The following NEIL3 variants were observed in gnomAD, a reference collection of about 807,000 sequenced individuals.
NEIL3 encodes the protein nei like DNA glycosylase 3, also known as endonuclease 8-like 3.
A neutral mutation model predicts 57.5 loss-of-function variants in NEIL3; 48 were observed. The ratio of observed to expected loss-of-function variants is 0.83; its 90% CI spans 0.66 to 1.06. The LOEUF is 1.06. Among genes scored for constraint, NEIL3 ranks in the 50% least tolerant of loss-of-function variants. The pLI is 0.00. For synonymous variants in NEIL3, 261 were observed against 253.2 expected, an observed-to-expected ratio of 1.03 and a Z score of -0.29; for missense variants, 717 against 739.1, an observed-to-expected ratio of 0.97 and a Z score of 0.35.
chr4:177,315,664 C>A (rs910573079), intron 1 of NEIL3, among the ~76,000 whole-genome samples: 5 of 152,140 alleles, frequency 3.3e-5, no homozygotes, highest in Admixed American at 2.0e-4. Flanking sequence ...AAAAACCTTG[C>A]CCAGTTTGTA....
At chr4:177,311,654 A>G (rs1450696469) in intron 1 of NEIL3, among the ~76,000 whole-genome samples, 1 of 149,686 alleles carries the variant, frequency 6.7e-6, no homozygotes, top group Non-Finnish European at 1.5e-5. Context: ...AGCCTGGGCA[A>G]CAAGAGCGAA....
chr4:177,339,892 A>T, intron 5 of NEIL3, 35 bp downstream of exon 5: 2 of 1,445,994 alleles, frequency 1.4e-6, no homozygotes, highest in South Asian at 2.3e-5. Flanking sequence ...GTAAAATGTA[A>T]AATGTCAGTG....
Position 177,336,131 on chromosome 4 carries a change from G to A in NEIL3, c.437G>A (p.Arg146Lys). ...AGAAACTCAATGGAAAGCCAACAGA[G>A]AATAAGAATGATGAAAGAATTAGAT... ...ELRNSMESQQRIRMMKELDVC... is the reference protein window; with the variant it reads ...ELRNSMESQQKIRMMKELDVC... The change falls in exon 4 of 10, where the codon AGA (arginine) becomes AAA (lysine). Residue 146 changes from arginine to lysine, a missense_variant. Transcript: ENST00000264596. The A allele has an allele frequency of 6.2e-7, 1 of 1,612,482 alleles. No homozygotes were observed. Among genetic ancestry groups the A allele is most frequent in the Non-Finnish European group, 8.5e-7 (1 of 1,178,482 alleles).
intron 7 of NEIL3, among the ~76,000 whole-genome samples, chr4:177,352,409 A>G (rs901942311): frequency 9.8e-5 from 15 of 152,340 alleles, no homozygotes; most frequent in Non-Finnish European, 8.8e-5. Flanking sequence ...ATGCATTTAT[A>G]TGTCTCATTA....
At chr4:177,360,863 T>G (rs1344798866) in intron 9 of NEIL3, among the ~76,000 whole-genome samples, 186 bp downstream of exon 9, 1 of 152,198 alleles carries the variant, frequency 6.6e-6, no homozygotes, top group Non-Finnish European at 1.5e-5. Flanking sequence ...ACAAGAAATT[T>G]AATAAAATAA....
chr4:177,343,214 TG>T (rs1037315412), intron 6 of NEIL3: 1 of 152,196 alleles, frequency 6.6e-6, no homozygotes, highest in Non-Finnish European at 1.5e-5. Context: ...AGATGCAGTA[TG>T]TGTTAGATAT....
At chr4:177,361,874 C>T (rs1735613828) in intron 9 of NEIL3, among the ~76,000 whole-genome samples, 1 of 152,112 alleles carries the variant, frequency 6.6e-6, no homozygotes. Flanking sequence ...TATCCTCCCA[C>T]CTCAGCCTCC....
chr4:177,309,902 C>T lies in NEIL3; in HGVS notation c.-52C>T, dbSNP rs1014574355. The T allele has an allele frequency of 7.0e-6, 11 of 1,576,980 alleles. No homozygotes were observed. The highest frequency in any genetic ancestry group is 5.5e-5 in the African/African-American group (4 of 72,382). On this transcript the variant is annotated 5_prime_UTR_variant, in exon 1 of 10. Coordinates refer to ENST00000264596, the MANE Select transcript of NEIL3 (RefSeq NM_018248.3). ...GCCCGCGCAGCGTTGAGTTGCACAGCGGTATTCTCACCAGGCCCTGCAATC... is the reference window on the plus strand; with the variant it reads ...GCCCGCGCAGCGTTGAGTTGCACAGTGGTATTCTCACCAGGCCCTGCAATC...
At chr4:177,342,764 C>A (rs1310303142) in intron 6 of NEIL3, among the ~76,000 whole-genome samples, 1 of 152,164 alleles carries the variant, frequency 6.6e-6, no homozygotes, top group African/African-American at 2.4e-5. Flanking sequence ...TGGCCACAAA[C>A]CTTGACTCAT....
intron 9 of NEIL3, 108 bp downstream of exon 9, chr4:177,360,785 G>A: frequency 1.2e-6 from 1 of 828,942 alleles, no homozygotes; most frequent in Non-Finnish European, 1.8e-6. Context: ...CTTTAAATTT[G>A]AAATAGCCAT....
intron 1 of NEIL3, among the ~76,000 whole-genome samples, chr4:177,310,650 G>T (rs566918517): frequency 1.0e-3 from 157 of 152,298 alleles, no homozygotes; most frequent in South Asian, 7.7e-3. Flanking sequence ...ATGAAACCCA[G>T]TTCTGGTTCC....
intron 2 of NEIL3, among the ~76,000 whole-genome samples, chr4:177,335,073 G>T (rs1734949194): frequency 6.6e-6 from 1 of 151,896 alleles, no homozygotes; most frequent in Non-Finnish European, 1.5e-5. Flanking sequence ...GAGGACAATA[G>T]CATTTTGACT....
downstream of NEIL3, among the ~76,000 whole-genome samples, chr4:177,364,041 C>T (rs949760514): frequency 1.9e-4 from 29 of 152,260 alleles, no homozygotes; most frequent in Middle Eastern, 3.4e-3. Context: ...CCACCATGCC[C>T]GGCCTGAAGA....
In NEIL3 at chr4:177,353,363, C is replaced by T. The variant is rs1360138318; in HGVS notation, c.1095C>T (p.Tyr365=). ...CTGTCTTTAGCCACTTAATGAAGTA[C>T]CCGTGTAATACTTTTGGAAAACCTC... is the stretch of plus-strand genomic sequence containing the variant. ...NSTVFSHLMK[Y]PCNTFGKPHT... is the part of the protein sequence containing the mutation. Residue 365 remains tyrosine, a synonymous_variant, in exon 8 of 10, where the codon TAC becomes TAT. Transcript: ENST00000264596. The T allele has an allele frequency of 6.2e-7, 1 of 1,613,600 alleles. No individual in the cohort carries two copies. Among genetic ancestry groups the T allele is most frequent in the African/African-American group, 1.3e-5 (1 of 74,878 alleles).
chr4:177,353,349 C>G lies in NEIL3; in HGVS notation c.1081C>G (p.His361Asp). 6.2e-7 allele frequency: 1 copy of G among 1,613,674 alleles called. No homozygotes were observed. The highest frequency in any genetic ancestry group is 8.5e-7 in the Non-Finnish European group (1 of 1,179,866). ...KSEENSTVFS[H>D]LMKYPCNTFG... The stretch of plus-strand genomic sequence containing the variant: ...TGAAGAAAATTCTACTGTCTTTAGC[C>G]ACTTAATGAAGTACCCGTGTAATAC... The change falls in exon 8 of 10, where the codon CAC becomes GAC. Residue 361 changes from histidine (H) to aspartate (D), a missense_variant. His to Asp is a moderately conservative substitution (Grantham distance 81). Transcript: ENST00000264596.
intron 9 of NEIL3, 27 bp downstream of exon 9, chr4:177,360,704 T>TA (rs756505231): frequency 2.0e-6 from 3 of 1,518,734 alleles, no homozygotes; most frequent in Non-Finnish European, 2.7e-6. Flanking sequence ...TCTAGCTTAC[T>TA]AAAATGTAAT....
At chr4:177,341,159 A>C (rs1369260290) in intron 5 of NEIL3, among the ~76,000 whole-genome samples, 1 of 152,132 alleles carries the variant, frequency 6.6e-6, no homozygotes. Context: ...AAAAGCCTTA[A>C]AAGTGTAAAA....
chr4:177,336,674 G>A (rs1734985189), intron 4 of NEIL3, among the ~76,000 whole-genome samples: 1 of 152,172 alleles, frequency 6.6e-6, no homozygotes, highest in Admixed American at 6.5e-5. Context: ...AGTCTCAAAA[G>A]GAAACAAGGC....
rs1004415211 is a variant in NEIL3, at chr4:177,309,896, G to T, written c.-58G>T. 16 of 1,562,550 alleles carry T rather than the reference G, an allele frequency of 1.0e-5. No individual in the cohort carries two copies. In the African/African-American group the frequency reaches 1.8e-4, roughly 18 times the overall value. On this transcript the variant is annotated 5_prime_UTR_variant, in exon 1 of 10. Transcript: ENST00000264596. ...GTCAGTGCCCGCGCAGCGTTGAGTTGCACAGCGGTATTCTCACCAGGCCCT... is the reference window on the plus strand; with the variant it reads ...GTCAGTGCCCGCGCAGCGTTGAGTTTCACAGCGGTATTCTCACCAGGCCCT...
Sources: gnomAD v4.1 joint callset for allele counts (sites outside exome capture counted in the v4.1 genomes callset) on GRCh38, gnomAD v4.1.1 for gene constraint, MANE v1.5 for transcripts, NCBI Gene and HGNC (gene_info 2026-07-23, HGNC 2026-07-21) for gene names.